Variants in CDH4 observed in about 807,000 individuals in gnomAD.
The protein encoded by CDH4 is cadherin-4.
A neutral mutation model predicts 86.0 loss-of-function variants in CDH4; 33 were observed. The ratio of observed to expected loss-of-function variants is 0.38; its 90% CI spans 0.29 to 0.51. CDH4 has a LOEUF of 0.51. CDH4 is among the 20% of genes least tolerant of loss of function. The probability of loss-of-function intolerance (pLI) is 0.86; values close to 1 mark genes in which losing one functional copy is unlikely to be tolerated. For synonymous variants in CDH4, 555 were observed against 549.4 expected (o/e 1.01, Z -0.14); for missense variants, 1,114 against 1,307.4 (o/e 0.85, Z 2.28).
At chr20:61,766,060 C>T (rs2088694821) in intron 3 of CDH4, among the ~76,000 whole-genome samples, 1 of 151,968 alleles carries the variant, frequency 6.6e-6, no homozygotes. Context: ...TCTCTAGGAC[C>T]CCACTAGGCC....
At chr20:61,285,585 T>C (rs2084289273) in intron 2 of CDH4, among the ~76,000 whole-genome samples, 1 of 152,226 alleles carries the variant, frequency 6.6e-6, no homozygotes, top group Non-Finnish European at 1.5e-5. Flanking sequence ...GGCACCATAA[T>C]GATGACTATA....
chr20:61,815,692 G>A (rs778052337), intron 4 of CDH4, among the ~76,000 whole-genome samples: 33 of 152,314 alleles, frequency 2.2e-4, no homozygotes, highest in Admixed American at 4.6e-4. Context: ...TGCTTTCGAC[G>A]CCCGGAGGCC....
At chr20:61,355,260 A>G (rs2084742065) in intron 2 of CDH4, among the ~76,000 whole-genome samples, 1 of 152,220 alleles carries the variant, frequency 6.6e-6, no homozygotes. Context: ...AAAGCAAAAC[A>G]TTCAGAAAGG....
rs112723175 is a variant in CDH4 at position 61,658,229 on chromosome 20, T to A, written c.170-85334T>A. On this transcript the variant is annotated intron_variant, in intron 2 of 15. Coordinates refer to ENST00000614565, the MANE Select transcript of CDH4 (RefSeq NM_001794.5). The stretch of plus-strand genomic sequence containing the variant: ...GCCATCCTCCCTTCCAAGTTCCAGA[T>A]CTCTATTAAAGAGGGCTCCATCGCA... 4.2e-3 allele frequency among the ~76,000 whole-genome samples: 631 copies of A among 151,942 alleles called. 5 individuals carry two copies. The highest frequency in any genetic ancestry group is 0.013 in the African/African-American group (527 of 41,420).
At chr20:61,475,678 C>T (rs1269371168) in intron 2 of CDH4, among the ~76,000 whole-genome samples, 1 of 119,188 alleles carries the variant, frequency 8.4e-6, no homozygotes, top group Non-Finnish European at 1.7e-5. Flanking sequence ...TCCTCTCTCT[C>T]TCCACCTCTC....
At chr20:61,851,734 G>C (rs375085484) in intron 5 of CDH4, among the ~76,000 whole-genome samples, 1 of 152,284 alleles carries the variant, frequency 6.6e-6, no homozygotes, top group Non-Finnish European at 1.5e-5. Context: ...GCAGCGCCCA[G>C]CCTCTCTGTG....
At chr20:61,816,329 A>G (rs1362136650) in intron 4 of CDH4, among the ~76,000 whole-genome samples, 1 of 152,258 alleles carries the variant, frequency 6.6e-6, no homozygotes, top group Non-Finnish European at 1.5e-5. Context: ...TTTTCTAAAT[A>G]GAAAAGGGGC....
chr20:61,934,028 C>T (rs1568898413), intron 14 of CDH4, 28 bp from the exon 15 acceptor site: 2 of 1,608,896 alleles, frequency 1.2e-6, no homozygotes, highest in Non-Finnish European at 1.7e-6. Flanking sequence ...TTCTGATGCC[C>T]CTGACTCCTC....
chr20:61,328,904 C>T (rs2123256653), intron 2 of CDH4, among the ~76,000 whole-genome samples: 1 of 152,348 alleles, frequency 6.6e-6, no homozygotes, highest in East Asian at 1.9e-4. Flanking sequence ...CCTTAATTTA[C>T]AGCCCAATAA....
rs2088794636 is a variant in CDH4 at position 61,773,035 on chromosome 20, C to T, written c.429C>T (p.Asp143=). Residue 143 remains aspartate, a synonymous_variant, in exon 4 of 16, where the codon GAC becomes GAT. Coordinates refer to ENST00000614565, the MANE Select transcript of CDH4 (RefSeq NM_001794.5). The part of the protein sequence containing the change: ...PQKGKKVVAL[D]PSPPPKDTLL... ...AAGGAAAGAAGGTCGTGGCTCTGGA[C>T]CCCTCTCCGCCTCCGAAGGACACCC... The T allele has an allele frequency of 6.2e-7, 1 of 1,613,412 alleles. No homozygotes were observed. The highest frequency in any genetic ancestry group is 8.5e-7 in the Non-Finnish European group (1 of 1,179,572).
chr20:61,295,018 A>G (rs1202281344), intron 2 of CDH4, among the ~76,000 whole-genome samples: 1 of 152,198 alleles, frequency 6.6e-6, no homozygotes, highest in Non-Finnish European at 1.5e-5. Context: ...CCTTGGATGG[A>G]GTCTCTGTCT....
chr20:61,490,326 G>T (rs374215871), intron 2 of CDH4, among the ~76,000 whole-genome samples: 1 of 152,158 alleles, frequency 6.6e-6, no homozygotes, highest in Admixed American at 6.5e-5. Flanking sequence ...GAAAACACAC[G>T]AAGCGGAAGG....
rs146915519 is a variant in CDH4, at chr20:61,599,391, C to A, written c.170-144172C>A. Among the ~76,000 whole-genome samples the A allele has an allele frequency of 1.7e-3, 263 of 152,318 alleles. 1 individual carries two copies. Among genetic ancestry groups the A allele is most frequent in the Middle Eastern group, 6.8e-3 (2 of 294 alleles). Reference sequence around the variant, plus strand: ...GACAGGCAAGTGTCAGGTGGCAGAGCCAGGCCTCGGCCCTGCCCTTTCTCA... The same window carrying A: ...GACAGGCAAGTGTCAGGTGGCAGAGACAGGCCTCGGCCCTGCCCTTTCTCA... On this transcript the variant is annotated intron_variant, in intron 2 of 15. Coordinates refer to ENST00000614565, the MANE Select transcript of CDH4 (RefSeq NM_001794.5).
intron 2 of CDH4, among the ~76,000 whole-genome samples, chr20:61,398,186 C>T (rs1178409422): frequency 6.6e-6 from 1 of 152,176 alleles, no homozygotes; most frequent in Non-Finnish European, 1.5e-5. Flanking sequence ...GATAATGTAC[C>T]TCCAAAGATT....
intron 2 of CDH4, among the ~76,000 whole-genome samples, chr20:61,389,199 G>A (rs1242736785): frequency 6.6e-6 from 1 of 152,248 alleles, no homozygotes; most frequent in Non-Finnish European, 1.5e-5. Flanking sequence ...CACTCGGAGG[G>A]GCAGGGAGGG....
At chr20:61,322,094 C>T (rs561085998) in intron 2 of CDH4, among the ~76,000 whole-genome samples, 9 of 152,084 alleles carry the variant, frequency 5.9e-5, no homozygotes, top group Non-Finnish European at 1.2e-4. Flanking sequence ...CCCCAGGATT[C>T]GGGTCCAGCA....
chr20:61,573,095 C>T (rs1314823876), intron 2 of CDH4, among the ~76,000 whole-genome samples: 5 of 151,516 alleles, frequency 3.3e-5, no homozygotes, highest in Admixed American at 6.6e-5. Flanking sequence ...GATGGTTGGA[C>T]GGATGGATGG....
At chr20:61,812,386 T>G (rs973888021) in intron 4 of CDH4, among the ~76,000 whole-genome samples, 1 of 152,052 alleles carries the variant, frequency 6.6e-6, no homozygotes, top group Non-Finnish European at 1.5e-5. Context: ...CAAGGGCAGC[T>G]CTCCAGAGAT....
chr20:61,361,589 T>C (rs575726259), intron 2 of CDH4, among the ~76,000 whole-genome samples: 1 of 152,282 alleles, frequency 6.6e-6, no homozygotes, highest in Admixed American at 6.5e-5. Flanking sequence ...CATTTTAACT[T>C]TGGTTTCCGA....
Sources: allele counts gnomAD v4.1 joint callset (sites outside exome capture counted in the v4.1 genomes callset), GRCh38; gene constraint gnomAD v4.1.1; transcripts MANE v1.5; gene names NCBI Gene and HGNC (gene_info 2026-07-23, HGNC 2026-07-21).